MAX: variants seen among roughly 807,000 people sequenced by gnomAD.
MAX encodes the protein protein max.
Under a neutral mutation model 22.3 loss-of-function variants are expected in MAX, and 3 were observed. That is an observed-to-expected ratio of 0.13 (90% CI 0.06 to 0.35). The LOEUF (loss-of-function observed/expected upper bound fraction) is 0.35. Among genes scored for constraint, MAX ranks in the 10% least tolerant of loss-of-function variants. MAX has a pLI of 1.00. For synonymous variants in MAX, 72 were observed against 77.7 expected (o/e 0.93, Z 0.39); for missense variants, 119 against 209.4 (o/e 0.57, Z 2.66).
Position 65,082,225 on chromosome 14 carries a change from A to T in MAX, c.172-4189T>A, listed in dbSNP as rs2063216301. The T allele has an allele frequency of 1.3e-5, 2 of 152,190 alleles. No individual in the cohort carries two copies. Among genetic ancestry groups the T allele is most frequent in the African/African-American group, 2.4e-5 (1 of 41,438 alleles). 9.4% of individuals were successfully genotyped at this position (152,190 alleles called of 1,614,324 possible). On this transcript the variant is annotated intron_variant, in intron 3 of 4. Coordinates refer to ENST00000358664, the MANE Select transcript of MAX (RefSeq NM_002382.5). This position sits in a 1 kb window ranked among gnomAD's most constrained non-coding sequence, Gnocchi z 4.8. ...ACAGGGGAAGCTATGGAACTAATTT[A>T]AAAAGATCAATAGAATTGCAGGGAC...
downstream of MAX, among the ~76,000 whole-genome samples, chr14:65,071,325 G>A (rs1293045461): frequency 1.3e-5 from 2 of 152,082 alleles, no homozygotes; most frequent in Non-Finnish European, 2.9e-5. The surrounding 1 kb of genome is among the most constrained non-coding windows in gnomAD (Gnocchi z 4.2). Context: ...TGTATTTTTA[G>A]TAGAGACGGG....
In MAX at chr14:65,007,146, T is replaced by G. The variant is rs183646102; in HGVS notation, c.172-862A>C. ...GAGTATATAATTCAACATATCAATA[T>G]AAGGCTGAAGGCAAACATCACCATC... On this transcript the variant is annotated intron_variant, in intron 3 of 3. Transcript: ENST00000341653. The surrounding 1 kb of genome is among the most constrained non-coding windows in gnomAD (Gnocchi z 4.9). Among the ~76,000 whole-genome samples, 1 of 152,336 alleles carries G rather than the reference T, an allele frequency of 6.6e-6. No individual in the cohort carries two copies. The highest frequency in any genetic ancestry group is 2.4e-5 in the African/African-American group (1 of 41,586).
intron 3 of MAX, among the ~76,000 whole-genome samples, chr14:65,034,201 T>G (rs1429603994): frequency 1.3e-5 from 2 of 152,224 alleles, no homozygotes; most frequent in African/African-American, 4.8e-5. Flanking sequence ...TGGAGCCCTC[T>G]GCCCTCCTGC....
downstream of MAX, among the ~76,000 whole-genome samples, chr14:65,070,841 T>A (rs7144259): frequency 0.25 from 38,605 of 152,166 alleles, 5,306 homozygotes; most frequent in Non-Finnish European, 0.31. This position sits in a 1 kb window ranked among gnomAD's most constrained non-coding sequence, Gnocchi z 4.4. Flanking sequence ...TATCTGCACC[T>A]GGCACAGTGC....
At chr14:65,068,195 C>T (rs1595119412) in intron 3 of MAX, among the ~76,000 whole-genome samples, 1 of 151,992 alleles carries the variant, frequency 6.6e-6, no homozygotes, top group Non-Finnish European at 1.5e-5. Flanking sequence ...AGCACTTTGG[C>T]AGGCTGAGGC....
chr14:65,049,028 G>A (rs1048815821), intron 3 of MAX, among the ~76,000 whole-genome samples: 8 of 152,102 alleles, frequency 5.3e-5, no homozygotes, highest in African/African-American at 1.9e-4. Context: ...TCAGGAGGCT[G>A]AGGCAGGAGA....
chr14:65,085,322 C>A (rs550534594), intron 3 of MAX, among the ~76,000 whole-genome samples: 2 of 152,246 alleles, frequency 1.3e-5, no homozygotes, highest in South Asian at 4.1e-4. Context: ...AAAGGGAAGG[C>A]TGTAGTTGTG....
At chr14:65,075,047 T>C (rs755149487), downstream of MAX, 147 of 1,008,910 alleles carry the variant, frequency 1.5e-4, no homozygotes, top group African/African-American at 3.6e-4. The surrounding 1 kb of genome is among the most constrained non-coding windows in gnomAD (Gnocchi z 4.1). Flanking sequence ...CAGACTTACA[T>C]TGAGGCCCTA....
rs993134039 is a variant in MAX, at chr14:65,031,323, TG to T, written c.172-25040del. The stretch of plus-strand genomic sequence containing the variant: ...ATCAAGTATAATAATTTTTTGTGTT[TG>T]TTTTTTTTTTTGAGACAGAGTCTCA... On this transcript the variant is annotated intron_variant, in intron 3 of 3. Coordinates refer to the MAX transcript ENST00000341653. This position sits in a 1 kb window ranked among gnomAD's most constrained non-coding sequence, Gnocchi z 4.6. Among the ~76,000 whole-genome samples, 10 of 151,440 alleles carry T rather than the reference TG, an allele frequency of 6.6e-5. No individual in the cohort carries two copies. Among genetic ancestry groups the T allele is most frequent in the African/African-American group, 1.2e-4 (5 of 41,340 alleles).
In MAX at chr14:65,027,640, C is replaced by T; in HGVS notation, c.172-21356G>A. ...GCAGTGACAGAAACCTAGAGGAGTT[C>T]CCCGCCTGCTGACACGCACTGACTG... On this transcript the variant is annotated intron_variant, in intron 3 of 3. Transcript: ENST00000341653. This position sits in a 1 kb window ranked among gnomAD's most constrained non-coding sequence, Gnocchi z 5.7. The T allele has an allele frequency of 6.2e-7, 1 of 1,614,014 alleles. No homozygotes were observed. Among genetic ancestry groups the T allele is most frequent in the African/African-American group, 1.3e-5 (1 of 75,050 alleles).
chr14:65,054,442 C>G lies in MAX; in HGVS notation c.171+39266G>C. 1 of 878,788 alleles carries G rather than the reference C, an allele frequency of 1.1e-6. No individual in the cohort carries two copies. The highest frequency in any genetic ancestry group is 1.7e-5 in the South Asian group (1 of 60,466). 54.4% of individuals were successfully genotyped at this position (878,788 alleles called of 1,614,324 possible). ...CTTTAAATAACACTGCTGGGAAAAC[C>G]ATGCCTCCTCTAGCCACATGGAGGA... On this transcript the variant is annotated intron_variant, in intron 3 of 3. Coordinates refer to the MAX transcript ENST00000341653. The surrounding 1 kb of genome is among the most constrained non-coding windows in gnomAD (Gnocchi z 4.4).
chr14:65,011,431 G>GAAAAA lies in MAX; in HGVS notation c.172-5152_172-5148dup, dbSNP rs767329195. Among the ~76,000 whole-genome samples, 1 of 80,088 alleles carries GAAAAA rather than the reference G, an allele frequency of 1.2e-5. No individual in the cohort carries two copies. Among genetic ancestry groups the GAAAAA allele is most frequent in the Non-Finnish European group, 2.7e-5 (1 of 36,962 alleles). The allele number at this position is 80,088 out of a possible 152,430, so 52.5% of individuals were successfully genotyped here. A position where few individuals can be genotyped will look rare whatever the true frequency, so the allele number is the denominator to read the frequency against. On this transcript the variant is annotated intron_variant, in intron 3 of 3. Transcript: ENST00000341653. The surrounding 1 kb of genome is among the most constrained non-coding windows in gnomAD (Gnocchi z 4.0). ...GTGACAGAGCGAGACTCCGTCTCAG[G>GAAAAA]AAAAAAAAAAAAAAAAAAAAAGACT...
chr14:65,058,891 T>G (rs1041333911), intron 3 of MAX, among the ~76,000 whole-genome samples: 1 of 152,210 alleles, frequency 6.6e-6, no homozygotes, highest in African/African-American at 2.4e-5. Flanking sequence ...TTATTTAGGA[T>G]TTTTTTGCAT....
At position 65,098,277 on chromosome 14, in the gene MAX, C is replaced by A. The variant is rs1207515318; in HGVS notation, c.63+3269G>T. Among the ~76,000 whole-genome samples, 3 of 152,162 alleles carry A rather than the reference C, an allele frequency of 2.0e-5. No individual in the cohort carries two copies. The East Asian group carries it at 5.8e-4, about 29-fold the overall frequency. On this transcript the variant is annotated intron_variant, in intron 2 of 4. Transcript: ENST00000358664. The stretch of plus-strand genomic sequence containing the variant: ...AGCACTTTTGCCATGCAACTGACTG[C>A]AGGTAAAACAGACAGTAGTTTCCTG...
At chr14:65,101,678 G>T in intron 1 of MAX, 106 bp from the exon 2 acceptor site, 1 of 867,936 alleles carries the variant, frequency 1.2e-6, no homozygotes, top group Non-Finnish European at 1.9e-6. Context: ...GCGGAGGGTG[G>T]GGAGTCAGCC....
chr14:65,041,499 C>T (rs1308643154), intron 3 of MAX, among the ~76,000 whole-genome samples: 1 of 152,172 alleles, frequency 6.6e-6, no homozygotes, highest in Non-Finnish European at 1.5e-5. Context: ...ACACACACAC[C>T]TCCACGGCCA....
rs114175393 is a variant in MAX at position 65,053,113 on chromosome 14, A to G, written c.171+40595T>C. The G allele has an allele frequency of 9.9e-4, 654 of 658,112 alleles. 4 individuals are homozygous for G. In the African/African-American group the frequency reaches 1.0e-2, roughly 10 times the overall value. The allele number at this position is 658,112 out of a possible 1,614,324, so 40.8% of individuals were successfully genotyped here. ...CATGGGGAAGATAGCAGTTGTACCA[A>G]GAATGAATGGAAGAGGAAGGGGAGC... On this transcript the variant is annotated intron_variant, in intron 3 of 3. Coordinates refer to the MAX transcript ENST00000341653.
At chr14:65,059,525 C>A (rs1020090878) in intron 3 of MAX, among the ~76,000 whole-genome samples, 1 of 152,048 alleles carries the variant, frequency 6.6e-6, no homozygotes, top group African/African-American at 2.4e-5. Context: ...TCAATTTTGG[C>A]AGTTTTCCTG....
chr14:65,045,978 T>A (rs1295686725), intron 3 of MAX, among the ~76,000 whole-genome samples: 1 of 152,124 alleles, frequency 6.6e-6, no homozygotes, highest in African/African-American at 2.4e-5. Context: ...AAGTCAAACA[T>A]TTTTTATTTT....
Sources: allele counts gnomAD v4.1 joint callset (sites outside exome capture counted in the v4.1 genomes callset), GRCh38; gene constraint gnomAD v4.1.1; non-coding constraint Gnocchi (gnomAD v3.1); transcripts MANE v1.5; gene names NCBI Gene and HGNC (gene_info 2026-07-23, HGNC 2026-07-21).